The following ADARB2 variants were observed in gnomAD, a reference collection of about 807,000 sequenced individuals.
ADARB2 encodes the protein inactive double-stranded RNA-specific editase B2.
In ADARB2, 25 loss-of-function variants were observed where a neutral mutation model predicts 62.2. That is an observed-to-expected ratio of 0.40 (90% CI 0.29 to 0.56). The LOEUF (loss-of-function observed/expected upper bound fraction) is 0.56, where lower values mean the gene tolerates loss of function less well. ADARB2 is among the 20% of genes least tolerant of loss of function. The pLI, the probability that ADARB2 is intolerant of heterozygous loss-of-function variation, is 0.43. For missense variants in ADARB2, 1,071 were observed against 1,077.4 expected (o/e 0.99, Z 0.08); for synonymous variants, 572 against 500.8 (o/e 1.14, Z -1.90).
chr10:1,486,422 G>A (rs191026333), intron 1 of ADARB2, among the ~76,000 whole-genome samples: 75 of 152,190 alleles, frequency 4.9e-4, no homozygotes, highest in African/African-American at 1.6e-3. Context: ...CTGGAGAGTC[G>A]AACAATATAG....
intron 1 of ADARB2, among the ~76,000 whole-genome samples, chr10:1,686,258 C>T (rs993189482): frequency 2.6e-5 from 4 of 152,118 alleles, no homozygotes; most frequent in South Asian, 2.1e-4. Context: ...AAGGCCTCGG[C>T]GGGGGTTCTC....
At chr10:1,723,551 C>T (rs1408243691) in intron 1 of ADARB2, among the ~76,000 whole-genome samples, 2 of 152,174 alleles carry the variant, frequency 1.3e-5, no homozygotes, top group African/African-American at 4.8e-5. Context: ...TTTTACCTCC[C>T]CATAAGAGAG....
intron 3 of ADARB2, among the ~76,000 whole-genome samples, chr10:1,301,745 T>C (rs1449918346): frequency 6.6e-6 from 1 of 152,232 alleles, no homozygotes; most frequent in African/African-American, 2.4e-5. Flanking sequence ...ACACCTCTGG[T>C]ATAATCCTGC....
intron 1 of ADARB2, among the ~76,000 whole-genome samples, chr10:1,716,873 C>G (rs911187631): frequency 6.6e-6 from 1 of 152,098 alleles, no homozygotes; most frequent in Non-Finnish European, 1.5e-5. Context: ...ACAAAATAAC[C>G]GTAAAGTTTA....
At chr10:1,220,480 C>T (rs1257009383) in intron 6 of ADARB2, among the ~76,000 whole-genome samples, 5 of 151,938 alleles carry the variant, frequency 3.3e-5, no homozygotes, top group Non-Finnish European at 7.4e-5. Flanking sequence ...ACTCAAAACA[C>T]TTGGTTTAAA....
At chr10:1,394,902 T>C (rs573956947) in intron 1 of ADARB2, 1 of 456,740 alleles carries the variant, frequency 2.2e-6, no homozygotes, top group African/African-American at 2.0e-5. Context: ...TCTTCCTCCC[T>C]CCTCCTCCTT....
chr10:1,611,540 A>G (rs554323630), intron 1 of ADARB2, among the ~76,000 whole-genome samples: 22 of 152,272 alleles, frequency 1.4e-4, no homozygotes, highest in African/African-American at 1.4e-4. Context: ...TCGTGGGATG[A>G]GAACTCGGCT....
intron 4 of ADARB2, among the ~76,000 whole-genome samples, chr10:1,262,286 G>A (rs868667305): frequency 5.5e-5 from 2 of 36,590 alleles, no homozygotes; most frequent in Non-Finnish European, 1.1e-4. Flanking sequence ...AAAACTTAAA[G>A]TATAATAATA....
At chr10:1,445,891 C>T (rs41417046) in intron 1 of ADARB2, among the ~76,000 whole-genome samples, 3,009 of 152,258 alleles carry the variant, frequency 0.02, 105 homozygotes, top group African/African-American at 0.068. Context: ...TGACAAAACT[C>T]TATAGTGGGT....
At chr10:1,580,316 A>G (rs891268798) in intron 1 of ADARB2, among the ~76,000 whole-genome samples, 2 of 152,082 alleles carry the variant, frequency 1.3e-5, no homozygotes, top group Non-Finnish European at 2.9e-5. Context: ...CTTTGTGTTC[A>G]TGAAGTCTCA....
chr10:1,198,532 C>A (rs1269180362), intron 8 of ADARB2, among the ~76,000 whole-genome samples: 1 of 152,232 alleles, frequency 6.6e-6, no homozygotes, highest in Non-Finnish European at 1.5e-5. Flanking sequence ...GATTTAGGCT[C>A]ATTTGCATCT....
chr10:1,722,129 T>C lies in ADARB2; in HGVS notation c.100+14922A>G, dbSNP rs551462060. On this transcript the variant is annotated intron_variant, in intron 1 of 9. Transcript: ENST00000381312. ...GTCATGAAATTGTGTAGACTCTATT[T>C]CACTGTAAACCCTTCGTTACACTGT... Among the ~76,000 whole-genome samples, 247 of 152,142 alleles carry C rather than the reference T, an allele frequency of 1.6e-3. 1 individual carries two copies. The highest frequency in any genetic ancestry group is 5.9e-3 in the African/African-American group (246 of 41,482).
rs576407976 is a variant in ADARB2, at chr10:1,387,001, C to G, written c.101-7841G>C. On this transcript the variant is annotated intron_variant, in intron 1 of 9. Coordinates refer to ENST00000381312, the MANE Select transcript of ADARB2 (RefSeq NM_018702.4). ...CTGTATATACTCAGAAATTAAGTAT[C>G]ACCATTGTAAGTGACCCAAGAGTTA... 4.0e-5 allele frequency among the ~76,000 whole-genome samples: 6 copies of G among 151,896 alleles called. No individual in the cohort carries two copies. The East Asian group carries it at 1.2e-3, about 29-fold the overall frequency.
chr10:1,387,092 C>T (rs1315311453), intron 1 of ADARB2, among the ~76,000 whole-genome samples: 3 of 151,700 alleles, frequency 2.0e-5, no homozygotes, highest in African/African-American at 7.3e-5. Context: ...TAACATAACA[C>T]AATTTGTGAA....
intron 1 of ADARB2, among the ~76,000 whole-genome samples, chr10:1,498,942 C>T (rs1046711677): frequency 1.3e-5 from 2 of 152,006 alleles, no homozygotes; most frequent in African/African-American, 4.8e-5. Flanking sequence ...ATCGCTCACT[C>T]ATTACTCATT....
intron 3 of ADARB2, among the ~76,000 whole-genome samples, chr10:1,321,609 TC>T (rs1005169074): frequency 6.6e-6 from 1 of 152,096 alleles, no homozygotes; most frequent in Non-Finnish European, 1.5e-5. Flanking sequence ...GGTCTCAAAT[TC>T]CCTGCCTTAA....
chr10:1,234,912 C>G (rs142161563), intron 5 of ADARB2, among the ~76,000 whole-genome samples: 400 of 152,152 alleles, frequency 2.6e-3, no homozygotes, highest in African/African-American at 9.4e-3. Context: ...CCATACCCAG[C>G]TAATTTTTGT....
At chr10:1,349,990 CA>C (rs1444298834) in intron 3 of ADARB2, among the ~76,000 whole-genome samples, 1 of 152,042 alleles carries the variant, frequency 6.6e-6, no homozygotes, top group Non-Finnish European at 1.5e-5. Context: ...GGCAACTTTC[CA>C]CCCTCCATTC....
chr10:1,511,135 GC>G (rs1480159436), intron 1 of ADARB2, among the ~76,000 whole-genome samples: 5 of 152,138 alleles, frequency 3.3e-5, no homozygotes, highest in Non-Finnish European at 7.3e-5. Flanking sequence ...TGGCCACCGG[GC>G]CTGGCTCCTG....
Sources: allele counts gnomAD v4.1 joint callset (sites outside exome capture counted in the v4.1 genomes callset), GRCh38; gene constraint gnomAD v4.1.1; transcripts MANE v1.5; gene names NCBI Gene and HGNC (gene_info 2026-07-23, HGNC 2026-07-21).